The following CDC16 variants were observed in gnomAD, a reference collection of about 807,000 sequenced individuals.
CDC16 encodes cell division cycle protein 16 homolog.
A neutral mutation model predicts 87.0 loss-of-function variants in CDC16; 34 were observed. The ratio of observed to expected loss-of-function variants is 0.39; its 90% CI spans 0.30 to 0.52. The LOEUF (loss-of-function observed/expected upper bound fraction) is 0.52, where lower values mean the gene tolerates loss of function less well. CDC16 is among the 20% of genes least tolerant of loss of function. The pLI, the probability that CDC16 is intolerant of heterozygous loss-of-function variation, is 0.74. For missense variants in CDC16, 653 were observed against 751.9 expected (o/e 0.87, Z 1.54); for synonymous variants, 263 against 260.6 (o/e 1.01, Z -0.09).
intron 13 of CDC16, 69 bp downstream of exon 13, chr13:114,257,299 G>T: frequency 2.7e-4 from 238 of 870,664 alleles, no homozygotes; most frequent in Middle Eastern, 5.1e-4. Flanking sequence ...GATCACTAGA[G>T]TTCACTGACA....
At position 114,259,348 on chromosome 13, in the gene CDC16, GA is replaced by G; in HGVS notation, c.1269del (p.Lys423AsnfsTer17). Reference sequence around the variant, plus strand: ...CTTTCATTTTAGATGGAAAACAGCCGAAAAATGGTTTCTTGATGCTTTGGAA... The same window carrying G: ...CTTTCATTTTAGATGGAAAACAGCCGAAAATGGTTTCTTGATGCTTTGGAA... ...AFQNGEWKTA[E>X]KWFLDALEKI... is the part of the protein sequence containing the mutation. On this transcript the variant is annotated frameshift_variant, in exon 14 of 18. Coordinates refer to ENST00000356221, the MANE Select transcript of CDC16 (RefSeq NM_001078645.3). LOFTEE classifies it high-confidence loss of function. 1 of 1,571,178 alleles carries G rather than the reference GA, an allele frequency of 6.4e-7. No individual in the cohort carries two copies.
Position 114,245,993 on chromosome 13 carries a change from T to C in CDC16, c.848-7T>C. Reference sequence around the variant, plus strand: ...CAATTGTTCTTTTTCTGCTTTTTCCTGAACAGAACTTTTCTATCTTTCTCA... The same window carrying C: ...CAATTGTTCTTTTTCTGCTTTTTCCCGAACAGAACTTTTCTATCTTTCTCA... On this transcript the variant is annotated splice_polypyrimidine_tract_variant and splice_region_variant and intron_variant, in intron 9 of 17. Coordinates refer to ENST00000356221, the MANE Select transcript of CDC16 (RefSeq NM_001078645.3). 1 of 1,466,710 alleles carries C rather than the reference T, an allele frequency of 6.8e-7. No individual in the cohort carries two copies. The highest frequency in any genetic ancestry group is 9.4e-7 in the Non-Finnish European group (1 of 1,059,668). 90.9% of individuals were successfully genotyped at this position (1,466,710 alleles called of 1,614,324 possible). A position where few individuals can be genotyped will look rare whatever the true frequency, so the allele number is the denominator to read the frequency against.
At chr13:114,236,093 G>T (rs1186766655) in intron 1 of CDC16, among the ~76,000 whole-genome samples, 1 of 152,196 alleles carries the variant, frequency 6.6e-6, no homozygotes. Context: ...CACTGTGGGT[G>T]GCCCTCATTG....
intron 13 of CDC16, 106 bp downstream of exon 13, chr13:114,257,336 T>G: frequency 1.5e-6 from 1 of 681,030 alleles, no homozygotes; most frequent in East Asian, 2.9e-5. Flanking sequence ...AGATTTGTAC[T>G]TTTAAATGTT....
chr13:114,240,769 T>C (rs2081506546), intron 5 of CDC16, among the ~76,000 whole-genome samples: 1 of 152,198 alleles, frequency 6.6e-6, no homozygotes, highest in Non-Finnish European at 1.5e-5. Context: ...TGTTTTTTTT[T>C]CTGGCCACTC....
intron 12 of CDC16, among the ~76,000 whole-genome samples, chr13:114,253,599 A>G (rs929228511): frequency 6.6e-6 from 1 of 151,942 alleles, no homozygotes; most frequent in African/African-American, 2.4e-5. Context: ...CTGAGGCAGG[A>G]GAAGCTCTTG....
In CDC16 at chr13:114,244,890, A is replaced by G. The variant is rs141433660; in HGVS notation, c.768A>G (p.Val256=). 4.9e-5 allele frequency: 79 copies of G among 1,607,266 alleles called. No individual in the cohort carries two copies. The highest frequency in any genetic ancestry group is 6.4e-5 in the Non-Finnish European group (75 of 1,174,898). Residue 256 remains valine (V), a splice_region_variant and synonymous_variant, in exon 9 of 18, where the codon GTA becomes GTG. Coordinates refer to ENST00000356221, the MANE Select transcript of CDC16 (RefSeq NM_001078645.3). ...AGTAATGTGTCGCTTTAACTTTCAG[A>G]GTAATGGAGAAAGATCCTTTCCATG... is the stretch of plus-strand genomic sequence containing the variant. ...DFKMCYKLTS[V]VMEKDPFHAS...
At chr13:114,256,964 C>G in intron 12 of CDC16, 114 bp from the exon 13 acceptor site, 2 of 600,572 alleles carry the variant, frequency 3.3e-6, no homozygotes, top group Non-Finnish European at 5.7e-6. Context: ...AAAGTAAATG[C>G]TGTGTTTTGG....
At chr13:114,264,400 G>A (rs1466388220) in intron 16 of CDC16, 1 of 152,158 alleles carries the variant, frequency 6.6e-6, no homozygotes, top group Non-Finnish European at 1.5e-5. Flanking sequence ...AGAAAAATTA[G>A]CTGGGCATGG....
At chr13:114,238,230 T>G (rs950053556) in intron 3 of CDC16, among the ~76,000 whole-genome samples, 6 of 138,180 alleles carry the variant, frequency 4.3e-5, no homozygotes, top group South Asian at 4.5e-4. Context: ...GCTGCTGCGA[T>G]CTCCTCGGAC....
chr13:114,263,738 A>ACTCT (rs150164182), intron 16 of CDC16, among the ~76,000 whole-genome samples: 106 of 151,030 alleles, frequency 7.0e-4, no homozygotes, highest in African/African-American at 2.4e-3. Context: ...CTGCTTTCCA[A>ACTCT]CTCTCTCTCT....
chr13:114,236,568 A>G (rs1414737898), intron 1 of CDC16, 77 bp from the exon 2 acceptor site: 3 of 1,187,572 alleles, frequency 2.5e-6, no homozygotes, highest in Admixed American at 5.4e-5. Flanking sequence ...ACATAGAATT[A>G]TAATAATATT....
intron 12 of CDC16, among the ~76,000 whole-genome samples, chr13:114,251,608 G>A (rs1301980761): frequency 2.0e-5 from 3 of 152,174 alleles, no homozygotes; most frequent in Non-Finnish European, 4.4e-5. Context: ...TCAGTCAGTA[G>A]TCATAGTAAC....
chr13:114,266,551 G>GTA (rs1346621591), intron 17 of CDC16, among the ~76,000 whole-genome samples: 5 of 152,302 alleles, frequency 3.3e-5, no homozygotes, highest in African/African-American at 1.2e-4. Context: ...CACTTGTGTG[G>GTA]TAGCTCATGG....
intron 10 of CDC16, 26 bp downstream of exon 10, chr13:114,246,075 G>GT (rs201167565): frequency 0.16 from 127,143 of 812,470 alleles, 103 homozygotes; most frequent in East Asian, 0.2. Context: ...TTTAGTCTTA[G>GT]TTTTTTTTTT....
At chr13:114,236,547 A>G (rs1011305125) in intron 1 of CDC16, 98 bp from the exon 2 acceptor site, 1 of 960,462 alleles carries the variant, frequency 1.0e-6, no homozygotes. Context: ...ATAGAATTAT[A>G]TTAATATATT....
rs754380843 is a variant in CDC16 at position 114,236,910 on chromosome 13, TGAACTTTAAAGCTCTTCA to T, written c.201+17_201+34del. 6.5e-7 allele frequency: 1 copy of T among 1,532,580 alleles called. No homozygotes were observed. Among genetic ancestry groups the T allele is most frequent in the Non-Finnish European group, 8.9e-7 (1 of 1,126,034 alleles). The allele number at this position is 1,532,580 out of a possible 1,614,324, so 94.9% of individuals were successfully genotyped here. A position where few individuals can be genotyped will look rare whatever the true frequency, so the allele number is the denominator to read the frequency against. ...AAACTGGACAAAGTAAGTGATGGTA[TGAACTTTAAAGCTCTTCA>T]GAGCTTTAAAAAAAATGTCATTAGT... is the stretch of plus-strand genomic sequence containing the variant. On this transcript the variant is annotated intron_variant, in intron 3 of 17. Coordinates refer to ENST00000356221, the MANE Select transcript of CDC16 (RefSeq NM_001078645.3).
At chr13:114,267,560 C>T (rs1004368662) in intron 17 of CDC16, among the ~76,000 whole-genome samples, 1 of 152,134 alleles carries the variant, frequency 6.6e-6, no homozygotes, top group Non-Finnish European at 1.5e-5. Flanking sequence ...CAGTATTTTA[C>T]ATGCTTAAAA....
intron 17 of CDC16, among the ~76,000 whole-genome samples, chr13:114,269,159 C>T (rs1443047935): frequency 2.0e-5 from 3 of 152,100 alleles, no homozygotes; most frequent in African/African-American, 7.2e-5. Flanking sequence ...GGTAGATGGT[C>T]TAAAATGGTA....
Sources: allele counts gnomAD v4.1 joint callset (sites outside exome capture counted in the v4.1 genomes callset), GRCh38; gene constraint gnomAD v4.1.1; transcripts MANE v1.5; gene names NCBI Gene and HGNC (gene_info 2026-07-23, HGNC 2026-07-21).